The following ATP6V1E2 variants were observed in gnomAD, a reference collection of about 807,000 sequenced individuals.
The protein encoded by ATP6V1E2 is ATPase H+ transporting V1 subunit E2, also known as V-type proton ATPase subunit E 2.
For synonymous variants in ATP6V1E2, 121 were observed against 104.2 expected, an observed-to-expected ratio of 1.16 and a Z score of -0.98; for missense variants, 308 against 273.3, an observed-to-expected ratio of 1.13 and a Z score of -0.90.
chr2:46,516,184 A>C (rs1687702996), intron 4 of ATP6V1E2, among the ~76,000 whole-genome samples: 1 of 152,182 alleles, frequency 6.6e-6, no homozygotes, highest in Non-Finnish European at 1.5e-5. Flanking sequence ...TGGACCTTAC[A>C]GACATATATG....
At chr2:46,537,649 T>A (rs2103942763) in intron 2 of ATP6V1E2, 1 of 152,258 alleles carries the variant, frequency 6.6e-6, no homozygotes, top group Non-Finnish European at 1.5e-5. Flanking sequence ...GCTTCTGGAT[T>A]TTTCCATAAC....
intron 4 of ATP6V1E2, among the ~76,000 whole-genome samples, chr2:46,523,210 CT>C (rs1666728660): frequency 6.6e-6 from 1 of 152,088 alleles, no homozygotes; most frequent in African/African-American, 2.4e-5. Context: ...ATGATAGTTT[CT>C]TTTGCTGTGC....
At chr2:46,518,253 T>C (rs1666388572) in intron 4 of ATP6V1E2, among the ~76,000 whole-genome samples, 2 of 152,108 alleles carry the variant, frequency 1.3e-5, no homozygotes, top group Non-Finnish European at 2.9e-5. Flanking sequence ...TGATAGAAGA[T>C]TAAATACTGC....
At chr2:46,531,295 T>C (rs1667169034) in intron 4 of ATP6V1E2, among the ~76,000 whole-genome samples, 1 of 152,240 alleles carries the variant, frequency 6.6e-6, no homozygotes, top group Non-Finnish European at 1.5e-5. Flanking sequence ...TAGCATTTTG[T>C]GTCTGGCTAC....
Position 46,512,057 on chromosome 2 carries a change from T to C in ATP6V1E2, c.655A>G (p.Asn219Asp). 6.2e-7 allele frequency: 1 copy of C among 1,608,716 alleles called. No homozygotes were observed. Among genetic ancestry groups the C allele is most frequent in the Non-Finnish European group, 8.5e-7 (1 of 1,177,578 alleles). ...TATATAAAGAACTTTCTGTTGGTGT[T>C]AGCACCAAACAAGGCCATTCGTATT... ...PEIRMALFGA[N>D]TNRKFFI The change falls in exon 5 of 5, where the codon AAC (asparagine) becomes GAC (aspartate). Residue 219 changes from asparagine (N) to aspartate (D), a missense_variant. By Grantham distance (23) the Asn-to-Asp change is conservative. Transcript: ENST00000522587.
At chr2:46,518,490 A>ACC (rs1471974728) in intron 4 of ATP6V1E2, among the ~76,000 whole-genome samples, 1 of 140,912 alleles carries the variant, frequency 7.1e-6, no homozygotes, top group African/African-American at 2.6e-5. Context: ...ACACACACAC[A>ACC]ACACACACAC....
Position 46,538,146 on chromosome 2 carries a change from G to A in ATP6V1E2, c.-309-1443C>T, listed in dbSNP as rs181156299. Among the ~76,000 whole-genome samples, 42 of 152,178 alleles carry A rather than the reference G, an allele frequency of 2.8e-4. 1 individual carries two copies. Among genetic ancestry groups the A allele is most frequent in the African/African-American group, 1.0e-3 (42 of 41,512 alleles). On this transcript the variant is annotated intron_variant, in intron 2 of 4. Transcript: ENST00000522587. ...CCACTGCCTCCTCTTCATGTTCACTGCCATGCTTGGGTCAGACTGTTGTGA... is the reference window on the plus strand; with the variant it reads ...CCACTGCCTCCTCTTCATGTTCACTACCATGCTTGGGTCAGACTGTTGTGA...
chr2:46,516,701 C>T (rs1297915934), intron 4 of ATP6V1E2, among the ~76,000 whole-genome samples: 1 of 150,786 alleles, frequency 6.6e-6, no homozygotes, highest in Non-Finnish European at 1.5e-5. Context: ...GCAGCAAAAG[C>T]AATTCTAAGA....
At chr2:46,538,965 T>A (rs1051864136) in intron 2 of ATP6V1E2, among the ~76,000 whole-genome samples, 2 of 151,944 alleles carry the variant, frequency 1.3e-5, no homozygotes, top group Non-Finnish European at 2.9e-5. Flanking sequence ...TGAGACTCTG[T>A]CTCAAAAACA....
At chr2:46,533,056 G>GT (rs1275046189) in intron 4 of ATP6V1E2, among the ~76,000 whole-genome samples, 1 of 148,470 alleles carries the variant, frequency 6.7e-6, no homozygotes, top group Non-Finnish European at 1.5e-5. Context: ...GGTCAATTGT[G>GT]TTTTTTATTT....
At chr2:46,529,764 T>C (rs535503758) in intron 4 of ATP6V1E2, among the ~76,000 whole-genome samples, 1 of 142,834 alleles carries the variant, frequency 7.0e-6, no homozygotes, top group East Asian at 2.0e-4. Context: ...TTAATGATGA[T>C]GATGATGATG....
At position 46,512,114 on chromosome 2, in the gene ATP6V1E2, G is replaced by C. The variant is rs1687483660; in HGVS notation, c.598C>G (p.Leu200Val). The change falls in exon 5 of 5, where the codon CTG (leucine) becomes GTG (valine). Residue 200 changes from leucine (L) to valine (V), a missense_variant. Coordinates refer to ENST00000522587, the MANE Select transcript of ATP6V1E2 (RefSeq NM_001318063.2). ...IKVSNTLESR[L>V]DLSAKQKMPE... ...ATCTTTTGCTTGGCTGAGAGATCCA[G>C]TCGGCTTTCCAAGGTATTTGAAACC... 1.9e-6 allele frequency: 3 copies of C among 1,614,172 alleles called. No homozygotes were observed. Among genetic ancestry groups the C allele is most frequent in the Non-Finnish European group, 2.5e-6 (3 of 1,180,026 alleles).
Position 46,512,397 on chromosome 2 carries a change from A to T in ATP6V1E2, c.315T>A (p.Ile105=). Residue 105 remains isoleucine (I), a synonymous_variant, in exon 5 of 5, where the codon ATT becomes ATA. Transcript: ENST00000522587. Reference sequence around the variant, plus strand: ...CCTGGTAGACCTCTGGGTCCTCCACAATCCTGCTGAGTCTCAGCTTCGCCT... The same window carrying T: ...CCTGGTAGACCTCTGGGTCCTCCACTATCCTGCTGAGTCTCAGCTTCGCCT... ...LSEAKLRLSR[I]VEDPEVYQGL... The T allele has an allele frequency of 6.2e-7, 1 of 1,614,134 alleles. No homozygotes were observed. Among genetic ancestry groups the T allele is most frequent in the Non-Finnish European group, 8.5e-7 (1 of 1,180,024 alleles).
At chr2:46,523,032 A>C (rs1304996904) in intron 4 of ATP6V1E2, among the ~76,000 whole-genome samples, 1 of 151,982 alleles carries the variant, frequency 6.6e-6, no homozygotes, top group East Asian at 1.9e-4. Flanking sequence ...TGGCCATGTA[A>C]ATGTCTTCTT....
intron 2 of ATP6V1E2, among the ~76,000 whole-genome samples, chr2:46,538,225 T>G (rs1412759597): frequency 2.0e-5 from 3 of 152,194 alleles, no homozygotes; most frequent in Non-Finnish European, 4.4e-5. Flanking sequence ...CAAATCCATT[T>G]TCTATGAGTC....
chr2:46,513,763 T>G (rs185165712), intron 4 of ATP6V1E2, among the ~76,000 whole-genome samples: 1 of 151,846 alleles, frequency 6.6e-6, no homozygotes, highest in African/African-American at 2.4e-5. Context: ...AGGCAGAGGT[T>G]GCAGTGAGCT....
chr2:46,532,597 G>A (rs1480064825), intron 4 of ATP6V1E2, among the ~76,000 whole-genome samples: 1 of 152,200 alleles, frequency 6.6e-6, no homozygotes, highest in African/African-American at 2.4e-5. Flanking sequence ...GAGCCCTCAT[G>A]GATGGGATTA....
At position 46,512,409 on chromosome 2, in the gene ATP6V1E2, T is replaced by A. The variant is rs1456296168; in HGVS notation, c.303A>T (p.Arg101Ser). ...CTGGGTCCTCCACAATCCTGCTGAG[T>A]CTCAGCTTCGCCTCACTGAGCAAAT... ...ISDLLSEAKL[R>S]LSRIVEDPEV... Residue 101 changes from arginine to serine, a missense_variant, in exon 5 of 5, where the codon AGA becomes AGT. Physicochemically the swap from Arg to Ser is moderately radical, Grantham distance 110 (BLOSUM62 -1). Coordinates refer to ENST00000522587, the MANE Select transcript of ATP6V1E2 (RefSeq NM_001318063.2). 1 of 1,614,156 alleles carries A rather than the reference T, an allele frequency of 6.2e-7. No individual in the cohort carries two copies.
At chr2:46,522,715 C>T (rs1349346986) in intron 4 of ATP6V1E2, among the ~76,000 whole-genome samples, 1 of 152,076 alleles carries the variant, frequency 6.6e-6, no homozygotes, top group Non-Finnish European at 1.5e-5. Context: ...GTGCATGTGT[C>T]TTTATAGTAG....
Sources: gnomAD v4.1 joint callset for allele counts (sites outside exome capture counted in the v4.1 genomes callset) on GRCh38, gnomAD v4.1.1 for gene constraint, MANE v1.5 for transcripts, NCBI Gene and HGNC (gene_info 2026-07-23, HGNC 2026-07-21) for gene names.